Variants in PCDHGA1 observed in about 807,000 individuals in gnomAD.
PCDHGA1 encodes the protein protocadherin gamma subfamily A, 1.
A neutral mutation model predicts 58.0 loss-of-function variants in PCDHGA1; 32 were observed. That is an observed-to-expected ratio of 0.55 (90% CI 0.42 to 0.74). PCDHGA1 has a LOEUF of 0.74. PCDHGA1 is among the 30% of genes least tolerant of loss of function. PCDHGA1 has a pLI of 0.00. For synonymous variants in PCDHGA1, 498 were observed against 501.1 expected (o/e 0.99, Z 0.08); for missense variants, 1,205 against 1,182.3 (o/e 1.02, Z -0.28).
intron 1 of PCDHGA1, chr5:141,468,497 C>T (rs1033597673): frequency 2.0e-5 from 3 of 152,074 alleles, no homozygotes; most frequent in Non-Finnish European, 4.4e-5. Context: ...GGAAGATTTT[C>T]ATGTGGACAA....
intron 1 of PCDHGA1, chr5:141,346,598 C>A: frequency 7.7e-7 from 1 of 1,301,850 alleles, no homozygotes; most frequent in Non-Finnish European, 1.0e-6. Flanking sequence ...CCCTTTCTTT[C>A]TGGGCCTATA....
chr5:141,352,430 C>T, intron 1 of PCDHGA1: 1 of 1,614,074 alleles, frequency 6.2e-7, no homozygotes. Context: ...GGGCTGCTTT[C>T]AAACCGGTCT....
At chr5:141,347,276 C>T (rs1757945210) in intron 1 of PCDHGA1, among the ~76,000 whole-genome samples, 2 of 151,902 alleles carry the variant, frequency 1.3e-5, no homozygotes, top group East Asian at 1.9e-4. Context: ...ACCTCAGCCT[C>T]CCGAGTAGCT....
chr5:141,353,859 A>T (rs1019409823), intron 1 of PCDHGA1, among the ~76,000 whole-genome samples: 9 of 152,234 alleles, frequency 5.9e-5, no homozygotes, highest in Non-Finnish European at 2.9e-5. Flanking sequence ...AAACACGTTT[A>T]ATCTACTCTC....
At chr5:141,392,956 T>A (rs769377200) in intron 1 of PCDHGA1, 3 of 1,613,820 alleles carry the variant, frequency 1.9e-6, no homozygotes, top group South Asian at 1.1e-5. Context: ...GTGGGTAATA[T>A]CTCCAAGGAC....
intron 1 of PCDHGA1, chr5:141,355,260 G>A (rs781255825): frequency 2.5e-6 from 4 of 1,613,544 alleles, no homozygotes; most frequent in Admixed American, 3.3e-5. Flanking sequence ...GCCTTCTCCT[G>A]GGGGTTCTGG....
At chr5:141,346,938 G>A (rs1286736757) in intron 1 of PCDHGA1, among the ~76,000 whole-genome samples, 2 of 152,086 alleles carry the variant, frequency 1.3e-5, no homozygotes, top group South Asian at 2.1e-4. Context: ...GATATTTTAT[G>A]CCCATGAAAT....
rs570379716 is a variant in PCDHGA1 at position 141,452,090 on chromosome 5, G to A, written c.2422-42717G>A. Among the ~76,000 whole-genome samples, 3 of 152,256 alleles carry A rather than the reference G, an allele frequency of 2.0e-5. No individual in the cohort carries two copies. The South Asian group carries it at 6.2e-4, about 32-fold the overall frequency. On this transcript the variant is annotated intron_variant, in intron 1 of 3. Coordinates refer to ENST00000517417, the MANE Select transcript of PCDHGA1 (RefSeq NM_018912.3). The stretch of plus-strand genomic sequence containing the variant: ...TTTATTAGTTGGCATTATACAGTAA[G>A]AAAGAGCTTTCTTTTCTCTTCTTAT...
intron 1 of PCDHGA1, chr5:141,394,586 G>T: frequency 3.1e-6 from 5 of 1,613,888 alleles, no homozygotes; most frequent in Non-Finnish European, 4.2e-6. Context: ...TGACCAAGGT[G>T]GTGGCGGTGG....
chr5:141,383,264 A>T, intron 1 of PCDHGA1: 1 of 1,613,962 alleles, frequency 6.2e-7, no homozygotes, highest in Non-Finnish European at 8.5e-7. Context: ...ATAGACGTGG[A>T]AATAATAGAT....
intron 1 of PCDHGA1, among the ~76,000 whole-genome samples, chr5:141,335,690 C>G (rs954741459): frequency 1.1e-4 from 16 of 152,090 alleles, no homozygotes; most frequent in African/African-American, 3.9e-4. Context: ...CTTGAACAAG[C>G]AGACAATCTA....
chr5:141,409,848 G>C (rs149920059), intron 1 of PCDHGA1: 7 of 1,611,904 alleles, frequency 4.3e-6, no homozygotes, highest in Non-Finnish European at 5.9e-6. Context: ...GTGAGCCTGC[G>C]CGTGTTGGTG....
intron 1 of PCDHGA1, chr5:141,412,017 A>C (rs914087284): frequency 1.4e-5 from 2 of 146,532 alleles, no homozygotes; most frequent in African/African-American, 5.3e-5. Context: ...ACTTCTGAAC[A>C]TCCTGTTCTC....
chr5:141,496,888 T>TAAA (rs35063790), intron 2 of PCDHGA1, among the ~76,000 whole-genome samples: 5 of 134,118 alleles, frequency 3.7e-5, no homozygotes, highest in East Asian at 4.4e-4. Context: ...AAGTAACACT[T>TAAA]AAAAAAAAAA....
Position 141,491,713 on chromosome 5 carries a change from G to A in PCDHGA1, c.2422-3094G>A. On this transcript the variant is annotated intron_variant, in intron 1 of 3. Transcript: ENST00000517417. This position sits in a 1 kb window ranked among gnomAD's most constrained non-coding sequence, Gnocchi z 6.9. ...GGAGCGGAGCCAGGTGAGGGGCTCG[G>A]CGCCGCCCCGGGCGACCCCTGGGGG... The A allele has an allele frequency of 1.9e-6, 3 of 1,609,174 alleles. No individual in the cohort carries two copies. Among genetic ancestry groups the A allele is most frequent in the Non-Finnish European group, 2.5e-6 (3 of 1,178,054 alleles).
chr5:141,427,467 T>TC, intron 1 of PCDHGA1: 1 of 508,052 alleles, frequency 2.0e-6, no homozygotes. Flanking sequence ...AATCGAATCT[T>TC]CCGCCAATAA....
intron 1 of PCDHGA1, among the ~76,000 whole-genome samples, chr5:141,368,127 A>T (rs1013357793): frequency 1.3e-5 from 2 of 152,200 alleles, no homozygotes; most frequent in Non-Finnish European, 2.9e-5. Context: ...AATATTCTTA[A>T]TCCTTCAAAT....
At chr5:141,356,142 C>T in intron 1 of PCDHGA1, 1 of 1,613,620 alleles carries the variant, frequency 6.2e-7, no homozygotes, top group Non-Finnish European at 8.5e-7. Flanking sequence ...ACTCTGGATT[C>T]TATGACATAG....
chr5:141,409,735 C>G lies in PCDHGA1; in HGVS notation c.2421+76630C>G, dbSNP rs763035733. Reference sequence around the variant, plus strand: ...CATACGTGTCAGTGAGCGCGCAGAGCGGGGTGGTGTTCGCGCAGCGCGCCT... The same window carrying G: ...CATACGTGTCAGTGAGCGCGCAGAGGGGGGTGGTGTTCGCGCAGCGCGCCT... On this transcript the variant is annotated intron_variant, in intron 1 of 3. Transcript: ENST00000517417. The G allele has an allele frequency of 3.7e-6, 6 of 1,613,006 alleles. No homozygotes were observed. The African/African-American group carries it at 8.0e-5, about 22-fold the overall frequency.
Sources: allele counts gnomAD v4.1 joint callset (sites outside exome capture counted in the v4.1 genomes callset), GRCh38; gene constraint gnomAD v4.1.1; non-coding constraint Gnocchi (gnomAD v3.1); transcripts MANE v1.5; gene names NCBI Gene and HGNC (gene_info 2026-07-23, HGNC 2026-07-21).